Variants in NEMP2 observed in about 807,000 individuals in gnomAD.
NEMP2 encodes nuclear envelope integral membrane protein 2.
Under a neutral mutation model 54.2 loss-of-function variants are expected in NEMP2, and 53 were observed. The observed-to-expected ratio is 0.98, with a 90% confidence interval of 0.78 to 1.23. The LOEUF (loss-of-function observed/expected upper bound fraction) is 1.23, where lower values mean the gene tolerates loss of function less well. Ranked by LOEUF, NEMP2 falls within the 50% of genes most tolerant of loss-of-function variation. The pLI, the probability that NEMP2 is intolerant of heterozygous loss-of-function variation, is 0.00. For missense variants in NEMP2, 455 were observed against 511.3 expected (o/e 0.89, Z 1.06); for synonymous variants, 197 against 190.3 (o/e 1.04, Z -0.29).
chr2:190,595,565 A>C, the NEMP2 span, among the ~76,000 whole-genome samples: 5 of 152,230 alleles, frequency 3.3e-5, no homozygotes, highest in African/African-American at 1.2e-4. This position sits in a 1 kb window ranked among gnomAD's most constrained non-coding sequence, Gnocchi z 4.0. Context: ...CAAGAAAAAA[A>C]CAACCCCATC....
chr2:190,602,159 C>T, the NEMP2 span, among the ~76,000 whole-genome samples: 15 of 152,052 alleles, frequency 9.9e-5, 2 homozygotes, highest in African/African-American at 2.9e-4. Context: ...GGGAGAGAGG[C>T]GGAGAAGGAA....
chr2:190,437,261 T>G, the NEMP2 span: 1 of 1,614,104 alleles, frequency 6.2e-7, no homozygotes, highest in Non-Finnish European at 8.5e-7. This position sits in a 1 kb window ranked among gnomAD's most constrained non-coding sequence, Gnocchi z 5.9. Context: ...ATCCCGCAGG[T>G]GGAAAGGAAC....
downstream of NEMP2, chr2:190,500,048 G>C: frequency 3.1e-6 from 5 of 1,614,178 alleles, no homozygotes; most frequent in Non-Finnish European, 4.2e-6. The surrounding 1 kb of genome is among the most constrained non-coding windows in gnomAD (Gnocchi z 5.3). Context: ...TTCTCCTGCT[G>C]GTAGAGCCCA....
chr2:190,616,686 C>T, the NEMP2 span, among the ~76,000 whole-genome samples: 149 of 152,318 alleles, frequency 9.8e-4, 1 homozygote, highest in African/African-American at 3.4e-3. The surrounding 1 kb of genome is among the most constrained non-coding windows in gnomAD (Gnocchi z 5.1). Context: ...CTCACAGATA[C>T]AGGACTCATG....
chr2:190,574,404 G>A, the NEMP2 span, among the ~76,000 whole-genome samples: 1 of 152,068 alleles, frequency 6.6e-6, no homozygotes, highest in Non-Finnish European at 1.5e-5. Flanking sequence ...AGGTTAGAAT[G>A]AGCTAGATTC....
chr2:190,470,005 T>C, the NEMP2 span: 1 of 570,948 alleles, frequency 1.8e-6, no homozygotes, highest in East Asian at 3.0e-5. Flanking sequence ...AGAGATGACA[T>C]CAGGAGGGAT....
the NEMP2 span, among the ~76,000 whole-genome samples, chr2:190,592,731 A>G: frequency 1.3e-5 from 2 of 152,150 alleles, no homozygotes; most frequent in African/African-American, 4.8e-5. The surrounding 1 kb of genome is among the most constrained non-coding windows in gnomAD (Gnocchi z 4.4). Flanking sequence ...AAATTTCAGT[A>G]TACTGCAACC....
chr2:190,568,335 C>A, the NEMP2 span, among the ~76,000 whole-genome samples: 1 of 152,014 alleles, frequency 6.6e-6, no homozygotes, highest in Non-Finnish European at 1.5e-5. The surrounding 1 kb of genome is among the most constrained non-coding windows in gnomAD (Gnocchi z 4.7). Flanking sequence ...TGAATCAATG[C>A]AGTAAGAGGA....
the NEMP2 span, among the ~76,000 whole-genome samples, chr2:190,426,993 A>G: frequency 6.6e-6 from 1 of 152,172 alleles, no homozygotes; most frequent in African/African-American, 2.4e-5. This position sits in a 1 kb window ranked among gnomAD's most constrained non-coding sequence, Gnocchi z 4.7. Flanking sequence ...ATTACTGTGA[A>G]GTGGAGATGG....
the NEMP2 span, chr2:190,628,344 G>C: frequency 1.3e-5 from 2 of 152,178 alleles, no homozygotes; most frequent in African/African-American, 4.8e-5. This position sits in a 1 kb window ranked among gnomAD's most constrained non-coding sequence, Gnocchi z 4.1. Flanking sequence ...CCACAGAGAG[G>C]GGTCTGATGG....
At chr2:190,550,189 A>G in the NEMP2 span, among the ~76,000 whole-genome samples, 1 of 152,178 alleles carries the variant, frequency 6.6e-6, no homozygotes, top group East Asian at 1.9e-4. This position sits in a 1 kb window ranked among gnomAD's most constrained non-coding sequence, Gnocchi z 4.7. Flanking sequence ...ATAGCTTACA[A>G]AGAACAGATA....
chr2:190,647,423 T>C, the NEMP2 span, among the ~76,000 whole-genome samples: 5 of 152,292 alleles, frequency 3.3e-5, 1 homozygote, highest in South Asian at 1.0e-3. Context: ...GAATTTCCCA[T>C]CTCAAAGAAT....
the NEMP2 span, among the ~76,000 whole-genome samples, chr2:190,562,803 T>A: frequency 1.3e-5 from 2 of 152,312 alleles, no homozygotes; most frequent in Non-Finnish European, 1.5e-5. The surrounding 1 kb of genome is among the most constrained non-coding windows in gnomAD (Gnocchi z 5.0). Context: ...ACCCTTTTCT[T>A]CCTAGGGTCT....
rs1690549014 is a variant in NEMP2, at chr2:190,516,199, C to T, written c.727+71G>A. On this transcript the variant is annotated intron_variant, in intron 6 of 8. Transcript: ENST00000409150. ...TTAGATGTTGGAGAGAAACATCTATCAAAAGAAGGCCTCTAGTTGTACATC... is the reference window on the plus strand; with the variant it reads ...TTAGATGTTGGAGAGAAACATCTATTAAAAGAAGGCCTCTAGTTGTACATC... 13 of 1,043,368 alleles carry T rather than the reference C, an allele frequency of 1.2e-5. No homozygotes were observed. In the South Asian group the frequency reaches 2.3e-4, roughly 19 times the overall value. 64.6% of individuals were successfully genotyped at this position (1,043,368 alleles called of 1,614,324 possible).
At chr2:190,630,321 C>G in the NEMP2 span, among the ~76,000 whole-genome samples, 2 of 152,202 alleles carry the variant, frequency 1.3e-5, no homozygotes. This position sits in a 1 kb window ranked among gnomAD's most constrained non-coding sequence, Gnocchi z 5.5. Context: ...GGGTTCAAGC[C>G]ATTCTCTTGC....
In NEMP2 at chr2:190,525,641, A is replaced by G. The variant is rs1310228409; in HGVS notation, c.98-263T>C. Among the ~76,000 whole-genome samples, 1 of 152,168 alleles carries G rather than the reference A, an allele frequency of 6.6e-6. No homozygotes were observed. Among genetic ancestry groups the G allele is most frequent in the East Asian group, 1.9e-4 (1 of 5,188 alleles). ...AGTACTTCTTCAATTCTGAAGCAGA[A>G]GGCAGAATTATGGGCACCTTCTCAG... is the stretch of plus-strand genomic sequence containing the variant. On this transcript the variant is annotated intron_variant, in intron 1 of 8. Coordinates refer to ENST00000409150, the MANE Select transcript of NEMP2 (RefSeq NM_001142645.2). The surrounding 1 kb of genome is among the most constrained non-coding windows in gnomAD (Gnocchi z 5.0).
chr2:190,493,277 A>C, the NEMP2 span, among the ~76,000 whole-genome samples: 3 of 152,158 alleles, frequency 2.0e-5, no homozygotes, highest in Admixed American at 6.5e-5. Flanking sequence ...GCAGTTAAAA[A>C]AGACAAAGGG....
chr2:190,616,916 C>A, the NEMP2 span: 1 of 151,650 alleles, frequency 6.6e-6, no homozygotes, highest in African/African-American at 2.4e-5. This position sits in a 1 kb window ranked among gnomAD's most constrained non-coding sequence, Gnocchi z 5.1. Context: ...TGAGACTGGC[C>A]TGGGTAACAG....
chr2:190,600,218 T>C, the NEMP2 span, among the ~76,000 whole-genome samples: 7 of 152,182 alleles, frequency 4.6e-5, no homozygotes, highest in Admixed American at 2.0e-4. The surrounding 1 kb of genome is among the most constrained non-coding windows in gnomAD (Gnocchi z 4.9). Context: ...TGTTTCTAAC[T>C]CTCATTGCTT....
Sources: gnomAD v4.1 joint callset for allele counts (sites outside exome capture counted in the v4.1 genomes callset) on GRCh38, gnomAD v4.1.1 for gene constraint, Gnocchi (gnomAD v3.1) non-coding constraint, MANE v1.5 for transcripts, NCBI Gene and HGNC (gene_info 2026-07-23, HGNC 2026-07-21) for gene names.